Variants in TMEM59 observed in about 807,000 individuals in gnomAD.
TMEM59 encodes the protein dendritic cell factor 1.
TMEM59 carries 44 observed loss-of-function variants against 42.2 expected under a neutral mutation model. That is an observed-to-expected ratio of 1.04 (90% CI 0.82 to 1.34). TMEM59 has a LOEUF of 1.34. TMEM59 is among the 40% of genes most tolerant of loss of function. The pLI is 0.00. For missense variants in TMEM59, 359 were observed against 382.8 expected, an observed-to-expected ratio of 0.94 and a Z score of 0.52; for synonymous variants, 148 against 145.8, an observed-to-expected ratio of 1.02 and a Z score of -0.11.
rs1426683227 is a variant in TMEM59, at chr1:54,045,706, G to C, written c.376C>G (p.Leu126Val). The C allele has an allele frequency of 6.2e-7, 1 of 1,613,994 alleles. No homozygotes were observed. The highest frequency in any genetic ancestry group is 2.2e-5 in the East Asian group (1 of 44,874). ...TTGTTTCGTACTTGTTCTTGTCTCA[G>C]TTCAGCGAATGGCAGCTGATTCTGG... is the stretch of plus-strand genomic sequence containing the variant. ...GCQNQLPFAE[L>V]RQEQLMSLMP... The change falls in exon 3 of 8, where the codon CTG (leucine) becomes GTG (valine). Residue 126 changes from leucine to valine, a missense_variant. By Grantham distance (32) the Leu-to-Val change is conservative (BLOSUM62 1). Transcript: ENST00000234831.
Position 54,047,321 on chromosome 1 carries a change from G to A in TMEM59, c.241C>T (p.Gln81Ter), listed in dbSNP as rs1657374609. The A allele has an allele frequency of 1.9e-6, 3 of 1,613,818 alleles. No homozygotes were observed. Among genetic ancestry groups the A allele is most frequent in the Non-Finnish European group, 1.7e-6 (2 of 1,179,886 alleles). ...AAGTCAATTCCATCATCCACAAACT[G>A]ACAAATTGAAAACAGCCTGCAACCT... is the stretch of plus-strand genomic sequence containing the variant. Reference protein sequence around the residue: ...QRGCRLFSICQFVDDGIDLNR... With the variant: ...QRGCRLFSIC Residue 81 changes from glutamine (Q) to a stop codon, truncating the protein, a stop_gained, in exon 2 of 8, where the codon CAG becomes TAG. Transcript: ENST00000234831. LOFTEE classifies it high-confidence loss of function.
intron 2 of TMEM59, among the ~76,000 whole-genome samples, chr1:54,046,459 G>C (rs1234881044): frequency 6.6e-6 from 1 of 152,126 alleles, no homozygotes; most frequent in African/African-American, 2.4e-5. Context: ...TCCTTCTTGT[G>C]ATATAACATT....
chr1:54,053,326 C>T (rs1657648216), upstream of TMEM59: 13 of 1,083,832 alleles, frequency 1.2e-5, no homozygotes, highest in Middle Eastern at 3.0e-3. Context: ...TCCGCCCTCA[C>T]CCGCCAGAAA....
At chr1:54,045,297 A>G (rs1657292394) in intron 3 of TMEM59, among the ~76,000 whole-genome samples, 1 of 152,228 alleles carries the variant, frequency 6.6e-6, no homozygotes, top group South Asian at 2.1e-4. Flanking sequence ...AATTAGAAAA[A>G]CAGTTTGGAA....
rs778583343 is a variant in TMEM59, at chr1:54,041,747, T to G, written c.602A>C (p.Glu201Ala). 6.2e-7 allele frequency: 1 copy of G among 1,613,764 alleles called. No individual in the cohort carries two copies. Among genetic ancestry groups the G allele is most frequent in the Non-Finnish European group, 8.5e-7 (1 of 1,179,798 alleles). ...ACAGGACATTTTGCTTAGAGATGAT[T>G]CTCTCAAATTTGTAGGCTCCTGCTC... is the stretch of plus-strand genomic sequence containing the variant. ...HLEQEPTNLR[E>A]SSLSKMSYLQ... The change falls in exon 5 of 8, where the codon GAA becomes GCA. Residue 201 changes from glutamate to alanine, a missense_variant. Physicochemically the swap from Glu to Ala is moderately radical, Grantham distance 107. Coordinates refer to ENST00000234831, the MANE Select transcript of TMEM59 (RefSeq NM_004872.5).
At chr1:54,053,550 C>A (rs1011698701), upstream of TMEM59, 7 of 238,354 alleles carry the variant, frequency 2.9e-5, no homozygotes, top group Admixed American at 1.6e-4. Context: ...GCCCTCAGCG[C>A]GCCTTCCGCC....
At chr1:54,049,506 T>C (rs1166362605) in intron 1 of TMEM59, among the ~76,000 whole-genome samples, 1 of 152,196 alleles carries the variant, frequency 6.6e-6, no homozygotes, top group African/African-American at 2.4e-5. Flanking sequence ...ATATCTTTAT[T>C]CTAAGTATTT....
chr1:54,043,261 A>G, intron 4 of TMEM59, 112 bp downstream of exon 4: 1 of 959,348 alleles, frequency 1.0e-6, no homozygotes, highest in Non-Finnish European at 1.4e-6. Flanking sequence ...TTATTATTTG[A>G]TGATAAATAT....
At chr1:54,033,109 TTC>T (rs1444482209) in intron 7 of TMEM59, 1 of 145,280 alleles carries the variant, frequency 6.9e-6, no homozygotes, top group Non-Finnish European at 1.5e-5. Context: ...TCTTTTTTCT[TTC>T]TTTCTTTTTT....
In TMEM59 at chr1:54,032,233, C is replaced by T. The variant is rs1328808212; in HGVS notation, c.889G>A (p.Val297Met). The T allele has an allele frequency of 6.2e-7, 1 of 1,613,228 alleles. No individual in the cohort carries two copies. The highest frequency in any genetic ancestry group is 1.1e-5 in the South Asian group (1 of 90,986). The change falls in exon 8 of 8, where the codon GTG (valine) becomes ATG (methionine). Residue 297 changes from valine to methionine, a missense_variant. Physicochemically the swap from Val to Met is conservative, Grantham distance 21 (BLOSUM62 1). Transcript: ENST00000234831. ...KLNRYPASSL[V>M]VVRSKTEDHE... ...TCTTCAGTTTTAGATCTAACAACCACAAGAGAAGAAGCTGGATATCTGTTT... is the reference window on the plus strand; with the variant it reads ...TCTTCAGTTTTAGATCTAACAACCATAAGAGAAGAAGCTGGATATCTGTTT...
At position 54,043,445 on chromosome 1, in the gene TMEM59, G is replaced by A. The variant is rs190814342; in HGVS notation, c.471C>T (p.Ser157=). The A allele has an allele frequency of 8.8e-6, 14 of 1,584,126 alleles. No homozygotes were observed. The highest frequency in any genetic ancestry group is 4.6e-5 in the East Asian group (2 of 43,324). ...ATGAAGAGGTTATGAAGCTCTGTGC[G>A]GAGTCCATCATGTCACTCCAGAATG... ...VRSFWSDMMD[S]AQSFITSSWT... is the part of the protein sequence containing the mutation. The change falls in exon 4 of 8, where the codon TCC becomes TCT. Residue 157 remains serine (S), a synonymous_variant. Coordinates refer to ENST00000234831, the MANE Select transcript of TMEM59 (RefSeq NM_004872.5).
chr1:54,047,009 G>T (rs1022917618), intron 2 of TMEM59, among the ~76,000 whole-genome samples: 1 of 152,202 alleles, frequency 6.6e-6, no homozygotes, highest in Admixed American at 6.5e-5. Context: ...TACTGCATTT[G>T]TCTGACAGAA....
intron 1 of TMEM59, chr1:54,047,611 C>A (rs139776640): frequency 7.2e-6 from 3 of 414,696 alleles, no homozygotes; most frequent in Middle Eastern, 6.6e-4. Flanking sequence ...AAAACCACCA[C>A]CCTTTTTCCA....
chr1:54,029,637 T>G lies in TMEM59; in HGVS notation c.*2513A>C, dbSNP rs1656703910. On this transcript the variant is annotated 3_prime_UTR_variant, in exon 8 of 8. Transcript: ENST00000234831. ...GGGATTTTCAAGATCGGAAACATTT[T>G]TATGCTGTATATATTTTGGGGATTT... The G allele has an allele frequency of 6.6e-6, 1 of 152,210 alleles. No individual in the cohort carries two copies. The highest frequency in any genetic ancestry group is 2.4e-5 in the African/African-American group (1 of 41,450). The allele number at this position is 152,210 out of a possible 1,614,324, so 9.4% of individuals were successfully genotyped here.
chr1:54,039,686 C>G (rs1187817970), intron 6 of TMEM59, among the ~76,000 whole-genome samples: 1 of 152,182 alleles, frequency 6.6e-6, no homozygotes, highest in Non-Finnish European at 1.5e-5. Flanking sequence ...TGAGATAGAA[C>G]AGTCCACTAG....
chr1:54,045,185 T>C (rs1657287702), intron 3 of TMEM59, among the ~76,000 whole-genome samples: 1 of 152,092 alleles, frequency 6.6e-6, no homozygotes, highest in Non-Finnish European at 1.5e-5. Flanking sequence ...CTTAAATCTA[T>C]ATGTAATTGG....
intron 2 of TMEM59, 53 bp from the exon 3 acceptor site, chr1:54,045,839 G>T: frequency 6.9e-7 from 1 of 1,452,692 alleles, no homozygotes; most frequent in South Asian, 1.4e-5. Context: ...AGGGAAAGAG[G>T]AAAGAAAAGG....
intron 1 of TMEM59, among the ~76,000 whole-genome samples, chr1:54,050,019 A>G (rs1347257739): frequency 6.6e-6 from 1 of 152,162 alleles, no homozygotes; most frequent in African/African-American, 2.4e-5. Context: ...ATGCAATTGC[A>G]CTTCTGTAGA....
intron 1 of TMEM59, among the ~76,000 whole-genome samples, chr1:54,048,346 A>C (rs931215267): frequency 1.3e-5 from 2 of 152,226 alleles, no homozygotes; most frequent in African/African-American, 2.4e-5. Context: ...CTTTCTCATC[A>C]AAAAAGGAGA....
Sources: allele counts gnomAD v4.1 joint callset (sites outside exome capture counted in the v4.1 genomes callset), GRCh38; gene constraint gnomAD v4.1.1; transcripts MANE v1.5; gene names NCBI Gene and HGNC (gene_info 2026-07-23, HGNC 2026-07-21).